TCF4: variants seen among roughly 807,000 people sequenced by gnomAD.
TCF4 encodes SL3-3 enhancer factor 2.
A neutral mutation model predicts 82.1 loss-of-function variants in TCF4; 3 were observed. The ratio of observed to expected loss-of-function variants is 0.04; its 90% CI spans 0.02 to 0.09. TCF4 has a LOEUF of 0.09. Among genes scored for constraint, TCF4 ranks in the 10% least tolerant of loss-of-function variants. TCF4 has a pLI of 1.00. For missense variants in TCF4, 518 were observed against 852.7 expected (o/e 0.61, Z 4.89); for synonymous variants, 276 against 309.6 (o/e 0.89, Z 1.14).
chr18:55,418,873 G>C (rs557284766), intron 5 of TCF4, among the ~76,000 whole-genome samples: 1 of 152,096 alleles, frequency 6.6e-6, no homozygotes. Context: ...TTAGTGCCCA[G>C]TTTGAAAAAG....
At chr18:55,397,260 G>A (rs2872041) in intron 6 of TCF4, among the ~76,000 whole-genome samples, 86,607 of 152,058 alleles carry the variant, frequency 0.57, 26,615 homozygotes, top group East Asian at 0.83. Context: ...TACTCCAGCC[G>A]AAAATGTTTA....
At chr18:55,358,784 C>T (rs963699698) in intron 6 of TCF4, among the ~76,000 whole-genome samples, 1 of 152,174 alleles carries the variant, frequency 6.6e-6, no homozygotes, top group African/African-American at 2.4e-5. Context: ...CAGACAAGCC[C>T]TGGTGTGAGT....
At chr18:55,498,531 G>T (rs1029199703) in intron 3 of TCF4, among the ~76,000 whole-genome samples, 3 of 152,158 alleles carry the variant, frequency 2.0e-5, no homozygotes, top group African/African-American at 7.2e-5. Context: ...CAACCATCAG[G>T]GTTCTGGGGT....
At chr18:55,512,674 A>G (rs1191860533) in intron 3 of TCF4, among the ~76,000 whole-genome samples, 1 of 152,114 alleles carries the variant, frequency 6.6e-6, no homozygotes, top group East Asian at 1.9e-4. Context: ...GGAGTGGTAT[A>G]TATAGATGAG....
intron 6 of TCF4, among the ~76,000 whole-genome samples, chr18:55,365,191 A>ATATATATATATGTGTGTGTGTG (rs1361444592): frequency 4.1e-5 from 4 of 97,958 alleles, no homozygotes; most frequent in African/African-American, 2.0e-4. Flanking sequence ...ATATATATAT[A>ATATATATATATGTGTGTGTGTG]TGTGTGTGTG....
intron 6 of TCF4, among the ~76,000 whole-genome samples, chr18:55,381,447 A>T (rs1788025): frequency 1.3e-5 from 2 of 152,074 alleles, no homozygotes; most frequent in African/African-American, 4.8e-5. Context: ...ATGCTGCAAT[A>T]GCTGAGCCTG....
chr18:55,257,328 G>T lies in TCF4; in HGVS notation c.1133C>A (p.Pro378His). The T allele has an allele frequency of 6.2e-7, 1 of 1,613,648 alleles. No individual in the cohort carries two copies. Among genetic ancestry groups the T allele is most frequent in the South Asian group, 1.1e-5 (1 of 91,064 alleles). The change falls in exon 14 of 20, where the codon CCC (proline) becomes CAC (histidine). Residue 378 changes from proline (P) to histidine (H), a missense_variant. By Grantham distance (77) the Pro-to-His change is moderately conservative. This residue lies in a region of TCF4 where 211 missense variants were observed against 327.4 expected (regional missense o/e 0.64). Coordinates refer to ENST00000354452, the MANE Select transcript of TCF4 (RefSeq NM_001083962.2). ...AATGAGACATACCAAAGAGTGTAAGGGTCCTTCATAATTAGGAGACGATGA... is the reference window on the plus strand; with the variant it reads ...AATGAGACATACCAAAGAGTGTAAGTGTCCTTCATAATTAGGAGACGATGA... Reference protein sequence around the residue: ...QASSSPNYEGPLHSLQSRIED... With the variant: ...QASSSPNYEGHLHSLQSRIED...
chr18:55,466,481 A>G (rs2096022385), intron 3 of TCF4, among the ~76,000 whole-genome samples: 1 of 152,102 alleles, frequency 6.6e-6, no homozygotes, highest in Non-Finnish European at 1.5e-5. Flanking sequence ...TAGGCAACTG[A>G]GTGAGACCCT....
At chr18:55,502,242 C>T (rs2096709957) in intron 3 of TCF4, among the ~76,000 whole-genome samples, 1 of 152,134 alleles carries the variant, frequency 6.6e-6, no homozygotes, top group Non-Finnish European at 1.5e-5. Flanking sequence ...GTAGGTGTTA[C>T]AACCCCTTAT....
At chr18:55,353,561 G>T (rs1317038577) in intron 6 of TCF4, among the ~76,000 whole-genome samples, 1 of 152,080 alleles carries the variant, frequency 6.6e-6, no homozygotes, top group South Asian at 2.1e-4. Context: ...ATTTAAGGGG[G>T]CCCTAAACAC....
At chr18:55,358,267 G>A (rs1569171544) in intron 6 of TCF4, among the ~76,000 whole-genome samples, 1 of 152,236 alleles carries the variant, frequency 6.6e-6, no homozygotes, top group African/African-American at 2.4e-5. Context: ...TAACTACTGT[G>A]CTTCTGTTTT....
At chr18:55,518,863 T>A (rs751320645) in intron 3 of TCF4, 1 of 152,104 alleles carries the variant, frequency 6.6e-6, no homozygotes, top group Non-Finnish European at 1.5e-5. Flanking sequence ...ATCCAACATT[T>A]TAACAAGCAG....
chr18:55,629,074 A>G (rs2097729229), intron 2 of TCF4, among the ~76,000 whole-genome samples: 1 of 152,178 alleles, frequency 6.6e-6, no homozygotes, highest in South Asian at 2.1e-4. Flanking sequence ...AAAATTCACA[A>G]TCTTATATTT....
At chr18:55,230,599 CAATT>C in intron 17 of TCF4, 1 of 152,240 alleles carries the variant, frequency 6.6e-6, no homozygotes, top group Middle Eastern at 3.4e-3. Flanking sequence ...AAGTGACTAA[CAATT>C]AACCTAAAGG....
rs77674327 is a variant in TCF4, at chr18:55,481,876, C to T, written c.146-17739G>A. 3.7e-3 allele frequency among the ~76,000 whole-genome samples: 564 copies of T among 152,350 alleles called. 1 individual carries two copies. The highest frequency in any genetic ancestry group is 5.9e-3 in the Admixed American group (91 of 15,298). On this transcript the variant is annotated intron_variant, in intron 3 of 19. Transcript: ENST00000354452. ...ATCTTTAAATCAGTGATTCTTCATACACCTGTCCTCACCAAGGTAGTCTAT... is the reference window on the plus strand; with the variant it reads ...ATCTTTAAATCAGTGATTCTTCATATACCTGTCCTCACCAAGGTAGTCTAT...
At chr18:55,586,476 T>G (rs1788835638) in intron 2 of TCF4, among the ~76,000 whole-genome samples, 1 of 152,182 alleles carries the variant, frequency 6.6e-6, no homozygotes, top group African/African-American at 2.4e-5. Context: ...CTACGAAATT[T>G]ACCAAAACAG....
At chr18:55,294,035 G>GGATCACTT (rs2065848891) in intron 8 of TCF4, among the ~76,000 whole-genome samples, 1 of 147,000 alleles carries the variant, frequency 6.8e-6, no homozygotes, top group Non-Finnish European at 1.5e-5. Flanking sequence ...CGAGGTGGGC[G>GGATCACTT]GATCACTTGA....
intron 8 of TCF4, among the ~76,000 whole-genome samples, chr18:55,337,828 T>C (rs1159334506): frequency 1.3e-5 from 2 of 152,116 alleles, no homozygotes; most frequent in African/African-American, 4.8e-5. Context: ...TTTGTATGGA[T>C]CACCTCTCAT....
At chr18:55,305,974 C>T (rs901792851) in intron 8 of TCF4, among the ~76,000 whole-genome samples, 2 of 152,190 alleles carry the variant, frequency 1.3e-5, no homozygotes, top group Non-Finnish European at 2.9e-5. Context: ...CAACTGGGCA[C>T]ACCTTCATTT....
Sources: allele counts gnomAD v4.1 joint callset (sites outside exome capture counted in the v4.1 genomes callset), GRCh38; gene constraint gnomAD v4.1.1; regional missense constraint gnomAD v4.1.1; transcripts MANE v1.5; gene names NCBI Gene and HGNC (gene_info 2026-07-23, HGNC 2026-07-21).